Variants in NLGN1 observed in about 807,000 individuals in gnomAD.
NLGN1 encodes neuroligin-1.
In NLGN1, 12 loss-of-function variants were observed where a neutral mutation model predicts 65.5. The ratio of observed to expected loss-of-function variants is 0.18; its 90% CI spans 0.12 to 0.30. The LOEUF (loss-of-function observed/expected upper bound fraction) is 0.30. Among genes scored for constraint, NLGN1 ranks in the 10% least tolerant of loss-of-function variants. NLGN1 has a pLI of 1.00. For synonymous variants in NLGN1, 350 were observed against 359.5 expected (o/e 0.97, Z 0.30); for missense variants, 750 against 1,007.1 (o/e 0.74, Z 3.46).
chr3:173,724,939 A>G (rs554881234), intron 3 of NLGN1, among the ~76,000 whole-genome samples: 74 of 152,082 alleles, frequency 4.9e-4, no homozygotes, highest in African/African-American at 1.7e-3. Flanking sequence ...AGGACAGAAA[A>G]CCAAACACTG....
intron 2 of NLGN1, among the ~76,000 whole-genome samples, chr3:173,535,281 T>C (rs1737244879): frequency 6.6e-6 from 1 of 152,180 alleles, no homozygotes; most frequent in Non-Finnish European, 1.5e-5. Flanking sequence ...GTGTTCCTAA[T>C]ATGGAAAAAA....
chr3:173,447,601 T>G (rs1577515722), intron 2 of NLGN1, among the ~76,000 whole-genome samples: 3 of 152,324 alleles, frequency 2.0e-5, no homozygotes, highest in African/African-American at 7.2e-5. Flanking sequence ...GTGAAGAAAG[T>G]CATTGGTAGC....
At chr3:173,485,614 T>G (rs1411213087) in intron 2 of NLGN1, among the ~76,000 whole-genome samples, 1 of 152,192 alleles carries the variant, frequency 6.6e-6, no homozygotes, top group African/African-American at 2.4e-5. Context: ...TTTCATGTCC[T>G]TCAGTCCAGC....
At chr3:173,629,256 A>C (rs918617631) in intron 3 of NLGN1, among the ~76,000 whole-genome samples, 1 of 151,870 alleles carries the variant, frequency 6.6e-6, no homozygotes, top group Non-Finnish European at 1.5e-5. Flanking sequence ...TTTAATCTTC[A>C]TTAGGCTGGC....
At chr3:173,991,851 C>G (rs893675740) in intron 4 of NLGN1, among the ~76,000 whole-genome samples, 1 of 151,978 alleles carries the variant, frequency 6.6e-6, no homozygotes, top group Non-Finnish European at 1.5e-5. Flanking sequence ...CTTGCTCTGT[C>G]CCCCAGGCTG....
intron 3 of NLGN1, among the ~76,000 whole-genome samples, chr3:173,760,860 C>T (rs368548542): frequency 7.2e-5 from 11 of 151,958 alleles, no homozygotes; most frequent in African/African-American, 2.7e-4. Context: ...ATTAATATGA[C>T]ACAGCAACTA....
chr3:173,581,645 G>A (rs1049283972), intron 2 of NLGN1, among the ~76,000 whole-genome samples: 3 of 151,594 alleles, frequency 2.0e-5, no homozygotes, highest in Non-Finnish European at 4.4e-5. Context: ...AAGTAAATAA[G>A]CACCATTCCA....
intron 3 of NLGN1, among the ~76,000 whole-genome samples, chr3:173,670,928 A>G (rs924578187): frequency 3.9e-5 from 6 of 152,220 alleles, no homozygotes; most frequent in African/African-American, 1.4e-4. Flanking sequence ...CATTAAATGT[A>G]CTCAAATAAA....
intron 4 of NLGN1, among the ~76,000 whole-genome samples, chr3:174,082,460 A>G (rs1319374090): frequency 6.6e-6 from 1 of 152,088 alleles, no homozygotes; most frequent in Admixed American, 6.6e-5. Context: ...TTAAAATGAG[A>G]CACTTTTAAA....
intron 2 of NLGN1, among the ~76,000 whole-genome samples, chr3:173,500,505 A>G (rs1189899675): frequency 1.3e-5 from 2 of 152,096 alleles, no homozygotes; most frequent in African/African-American, 2.4e-5. Context: ...ATATTGCTCT[A>G]AAATTCTCTT....
chr3:173,569,365 G>A (rs950580423), intron 2 of NLGN1, among the ~76,000 whole-genome samples: 6 of 151,680 alleles, frequency 4.0e-5, no homozygotes, highest in Non-Finnish European at 4.4e-5. Flanking sequence ...TGAATTAATC[G>A]GCAGTCACAT....
In NLGN1 at chr3:173,673,971, G is replaced by A. The variant is rs529219355; in HGVS notation, c.493+68880G>A. Among the ~76,000 whole-genome samples, 60 of 152,208 alleles carry A rather than the reference G, an allele frequency of 3.9e-4. 2 individuals carry two copies. In the South Asian group the frequency reaches 0.012, roughly 31 times the overall value. On this transcript the variant is annotated intron_variant, in intron 3 of 6. Transcript: ENST00000457714. ...ATTGGTTACTTGGAGTACGCCCTGT[G>A]TAAATGAAGAGGGTGAAGTAAATTT...
chr3:173,807,145 T>C (rs1578534914), intron 3 of NLGN1, among the ~76,000 whole-genome samples: 1 of 152,272 alleles, frequency 6.6e-6, no homozygotes, highest in Middle Eastern at 3.4e-3. Context: ...TGAAACATCT[T>C]GCATAACACA....
At chr3:173,412,680 AC>A (rs1712835129) in intron 1 of NLGN1, among the ~76,000 whole-genome samples, 1 of 152,176 alleles carries the variant, frequency 6.6e-6, no homozygotes. Flanking sequence ...AATTATAAAA[AC>A]ACTGGAAAGG....
intron 4 of NLGN1, among the ~76,000 whole-genome samples, chr3:173,834,819 T>G (rs976518136): frequency 1.3e-5 from 2 of 152,216 alleles, no homozygotes; most frequent in African/African-American, 4.8e-5. Context: ...TATTTATCTC[T>G]ATGTAATCAC....
rs115140653 is a variant in NLGN1, at chr3:174,268,281, G to T, written c.647-7034G>T. Among the ~76,000 whole-genome samples the T allele has an allele frequency of 3.6e-3, 555 of 152,152 alleles. 2 individuals carry two copies. The highest frequency in any genetic ancestry group is 3.5e-3 in the Non-Finnish European group (238 of 68,002). ...GTTATTCAAACTGCACAGGAACTTC[G>T]TGAACTTTGAATACCAGGTTTGTTG... is the stretch of plus-strand genomic sequence containing the variant. On this transcript the variant is annotated intron_variant, in intron 4 of 6. Transcript: ENST00000457714.
intron 3 of NLGN1, among the ~76,000 whole-genome samples, chr3:173,647,108 A>C (rs1758389256): frequency 6.6e-6 from 1 of 152,168 alleles, no homozygotes; most frequent in Admixed American, 6.5e-5. Context: ...GTTCACTTCA[A>C]AATGATAAAG....
At chr3:173,826,328 A>G (rs1721330046) in intron 4 of NLGN1, among the ~76,000 whole-genome samples, 2 of 152,032 alleles carry the variant, frequency 1.3e-5, no homozygotes, top group Admixed American at 6.6e-5. Context: ...GAGAAAGAGT[A>G]GTCACAGGGT....
intron 4 of NLGN1, among the ~76,000 whole-genome samples, chr3:173,855,832 T>C (rs1165383679): frequency 6.6e-6 from 1 of 152,114 alleles, no homozygotes; most frequent in Admixed American, 6.6e-5. Context: ...TGCAAGTCTT[T>C]TATAATTTAT....
Sources: allele counts gnomAD v4.1 joint callset (sites outside exome capture counted in the v4.1 genomes callset), GRCh38; gene constraint gnomAD v4.1.1; transcripts MANE v1.5; gene names NCBI Gene and HGNC (gene_info 2026-07-23, HGNC 2026-07-21).